RALA: variants seen among roughly 807,000 people sequenced by gnomAD.
RALA encodes the protein ras-related protein Ral-A.
In RALA, 5 loss-of-function variants were observed where a neutral mutation model predicts 24.0. The observed-to-expected ratio is 0.21, with a 90% CI of 0.11 to 0.44. RALA has a LOEUF of 0.44. Among genes scored for constraint, RALA ranks in the 20% least tolerant of loss-of-function variants. The pLI, the probability that RALA is intolerant of heterozygous loss-of-function variation, is 0.99. For missense variants in RALA, 95 were observed against 241.2 expected, an observed-to-expected ratio of 0.39 and a Z score of 4.01; for synonymous variants, 77 against 83.8, an observed-to-expected ratio of 0.92 and a Z score of 0.44.
intron 1 of RALA, among the ~76,000 whole-genome samples, chr7:39,667,544 CTCT>C (rs1792306681): frequency 6.6e-6 from 1 of 152,212 alleles, no homozygotes; most frequent in Admixed American, 6.5e-5. Context: ...TAGGGGGAAT[CTCT>C]TCTTCCCCAC....
At chr7:39,662,312 T>C (rs557140043) in intron 1 of RALA, among the ~76,000 whole-genome samples, 5 of 152,314 alleles carry the variant, frequency 3.3e-5, no homozygotes, top group African/African-American at 7.2e-5. Flanking sequence ...GATTAACATT[T>C]GGCTCCGCAG....
chr7:39,655,950 G>A (rs1792089758), intron 1 of RALA, among the ~76,000 whole-genome samples: 1 of 152,162 alleles, frequency 6.6e-6, no homozygotes. Flanking sequence ...GCAATGTGGA[G>A]TCTCTGAAGA....
At chr7:39,658,093 GT>G (rs1419369379) in intron 1 of RALA, among the ~76,000 whole-genome samples, 1 of 152,162 alleles carries the variant, frequency 6.6e-6, no homozygotes, top group Non-Finnish European at 1.5e-5. Context: ...GAGGAGCGTT[GT>G]CCCTTTCTTG....
At chr7:39,659,955 G>T (rs1327133980) in intron 1 of RALA, among the ~76,000 whole-genome samples, 3 of 152,164 alleles carry the variant, frequency 2.0e-5, no homozygotes, top group Admixed American at 1.3e-4. Flanking sequence ...CTCTCCAAGG[G>T]AGCTATGTGC....
chr7:39,684,660 A>C (rs1314365285), intron 1 of RALA, among the ~76,000 whole-genome samples: 1 of 151,430 alleles, frequency 6.6e-6, no homozygotes, highest in Non-Finnish European at 1.5e-5. Flanking sequence ...CCACATTGGA[A>C]GAAGAATTGT....
chr7:39,690,343 G>A (rs748970768), intron 2 of RALA, 39 bp from the exon 3 acceptor site: 199 of 1,531,054 alleles, frequency 1.3e-4, no homozygotes, highest in Admixed American at 4.6e-4. Flanking sequence ...GTTTTGAAAC[G>A]TAATAATTAA....
Position 39,706,183 on chromosome 7 carries a change from A to G in RALA, c.559A>G (p.Asn187Asp). 1.2e-6 allele frequency: 2 copies of G among 1,610,200 alleles called. No individual in the cohort carries two copies. The highest frequency in any genetic ancestry group is 1.7e-6 in the Non-Finnish European group (2 of 1,179,054). The change falls in exon 5 of 5, where the codon AAT (asparagine) becomes GAT (aspartate). Residue 187 changes from asparagine to aspartate, a missense_variant. Coordinates refer to ENST00000005257, the MANE Select transcript of RALA (RefSeq NM_005402.4). ...ARKMEDSKEK[N>D]GKKKRKSLAK... is the part of the protein sequence containing the mutation. ...AAAGATGGAAGACAGCAAAGAAAAG[A>G]ATGGAAAAAAGAAGAGGAAAAGTTT...
At chr7:39,637,969 T>A (rs1040361176) in intron 1 of RALA, among the ~76,000 whole-genome samples, 1 of 152,240 alleles carries the variant, frequency 6.6e-6, no homozygotes, top group African/African-American at 2.4e-5. Flanking sequence ...CATAATACTG[T>A]TGTAATACTA....
intron 2 of RALA, among the ~76,000 whole-genome samples, 200 bp from the exon 3 acceptor site, chr7:39,690,182 C>G (rs536704284): frequency 1.3e-5 from 2 of 152,000 alleles, no homozygotes; most frequent in African/African-American, 4.8e-5. Context: ...TAACTCAGCC[C>G]TCTCTGTTTG....
chr7:39,656,030 G>A (rs1422852943), intron 1 of RALA, among the ~76,000 whole-genome samples: 1 of 152,180 alleles, frequency 6.6e-6, no homozygotes, highest in African/African-American at 2.4e-5. Flanking sequence ...TAAAAAGGCA[G>A]GCAGTATTTA....
chr7:39,671,860 G>A (rs990695035), intron 1 of RALA, among the ~76,000 whole-genome samples: 34 of 152,256 alleles, frequency 2.2e-4, no homozygotes, highest in African/African-American at 7.9e-4. Flanking sequence ...GTAGAAAAAT[G>A]CCGCAGGGAT....
At chr7:39,697,676 C>T (rs1038778572) in intron 4 of RALA, among the ~76,000 whole-genome samples, 1 of 152,124 alleles carries the variant, frequency 6.6e-6, no homozygotes, top group African/African-American at 2.4e-5. Context: ...TTCATTTGGT[C>T]TGGAATGGGG....
intron 1 of RALA, among the ~76,000 whole-genome samples, chr7:39,641,969 GAA>G (rs1390225029): frequency 6.6e-6 from 1 of 152,102 alleles, no homozygotes; most frequent in East Asian, 1.9e-4. Flanking sequence ...TTGCAGAATT[GAA>G]AAATTCTGGC....
chr7:39,661,998 C>T (rs1373268380), intron 1 of RALA, among the ~76,000 whole-genome samples: 1 of 152,212 alleles, frequency 6.6e-6, no homozygotes, highest in African/African-American at 2.4e-5. Flanking sequence ...GGCTCAACAA[C>T]ACGTGGAAGC....
chr7:39,662,213 A>C (rs1354310263), intron 1 of RALA, among the ~76,000 whole-genome samples: 1 of 147,296 alleles, frequency 6.8e-6, no homozygotes, highest in East Asian at 2.0e-4. Flanking sequence ...GGCTGCCACA[A>C]AGGTCTCTGA....
chr7:39,698,301 T>G (rs1193463302), intron 4 of RALA, among the ~76,000 whole-genome samples: 1 of 152,168 alleles, frequency 6.6e-6, no homozygotes. Context: ...AAGCATTCAG[T>G]CCATAGCATG....
rs1008992438 is a variant in RALA at position 39,623,646 on chromosome 7, T to TCTCCTCCTCCTCCTCCTC, written c.-209_-192dup. On this transcript the variant is annotated 5_prime_UTR_variant, in exon 1 of 5. Coordinates refer to ENST00000005257, the MANE Select transcript of RALA (RefSeq NM_005402.4). This position sits in a 1 kb window ranked among gnomAD's most constrained non-coding sequence, Gnocchi z 4.9. ...AAAGCGTCGGAGTCCTCCTCCTCCT[T>TCTCCTCCTCCTCCTCCTC]CTCCTCCTCCTCCTCCTCCTCCTCC... is the stretch of plus-strand genomic sequence containing the variant. 3.3e-5 allele frequency: 5 copies of TCTCCTCCTCCTCCTCCTC among 152,102 alleles called. No individual in the cohort carries two copies. The Admixed American group carries it at 3.3e-4, about 10-fold the overall frequency. The allele number at this position is 152,102 out of a possible 1,614,324, so 9.4% of individuals were successfully genotyped here.
At chr7:39,657,218 G>T (rs141740149) in intron 1 of RALA, among the ~76,000 whole-genome samples, 28 of 152,024 alleles carry the variant, frequency 1.8e-4, no homozygotes, top group African/African-American at 6.5e-4. Flanking sequence ...TGCCCACCTC[G>T]GCCTCCCAAG....
At chr7:39,635,615 C>T (rs1583705592) in intron 1 of RALA, among the ~76,000 whole-genome samples, 3 of 152,132 alleles carry the variant, frequency 2.0e-5, no homozygotes, top group Non-Finnish European at 2.9e-5. Flanking sequence ...AGTTTTTCCA[C>T]GGACCAGGGG....
Sources: allele counts gnomAD v4.1 joint callset (sites outside exome capture counted in the v4.1 genomes callset), GRCh38; gene constraint gnomAD v4.1.1; non-coding constraint Gnocchi (gnomAD v3.1); transcripts MANE v1.5; gene names NCBI Gene and HGNC (gene_info 2026-07-23, HGNC 2026-07-21).